Variants in PCDHGA3 observed in about 807,000 individuals in gnomAD.
The protein encoded by PCDHGA3 is protocadherin gamma-A3.
Under a neutral mutation model 58.5 loss-of-function variants are expected in PCDHGA3, and 40 were observed. The ratio of observed to expected loss-of-function variants is 0.68; its 90% CI spans 0.53 to 0.89. PCDHGA3 has a LOEUF of 0.89. PCDHGA3 is among the 40% of genes least tolerant of loss of function. The pLI is 0.00. For missense variants in PCDHGA3, 1,223 were observed against 1,195.9 expected (o/e 1.02, Z -0.33); for synonymous variants, 530 against 525.7 (o/e 1.01, Z -0.11).
chr5:141,351,430 A>T, intron 1 of PCDHGA3: 1 of 1,612,126 alleles, frequency 6.2e-7, no homozygotes, highest in East Asian at 2.2e-5. Context: ...CTTTCAAATT[A>T]GAATCCACCT....
intron 1 of PCDHGA3, among the ~76,000 whole-genome samples, chr5:141,434,530 A>G (rs1241680580): frequency 6.6e-6 from 1 of 152,226 alleles, no homozygotes; most frequent in African/African-American, 2.4e-5. Flanking sequence ...CTTAAACCAC[A>G]AACAATAGCA....
intron 1 of PCDHGA3, chr5:141,393,401 G>C: frequency 6.2e-7 from 1 of 1,614,036 alleles, no homozygotes; most frequent in South Asian, 1.1e-5. Context: ...AGCTGGTGCT[G>C]GAGCGCGCCC....
In PCDHGA3 at chr5:141,344,069, A is replaced by C; in HGVS notation, c.36A>C (p.Gly12=). The change falls in exon 1 of 4, where the codon GGA becomes GGC. Residue 12 remains glycine, a synonymous_variant. Coordinates refer to ENST00000253812, the MANE Select transcript of PCDHGA3 (RefSeq NM_018916.4). ...TNCLSFRNGR[G]LALLCALLGT... Reference sequence around the variant, plus strand: ...GCCTGAGTTTCCGAAATGGCAGAGGACTGGCCCTGCTGTGCGCGCTCCTGG... The same window carrying C: ...GCCTGAGTTTCCGAAATGGCAGAGGCCTGGCCCTGCTGTGCGCGCTCCTGG... The C allele has an allele frequency of 6.2e-7, 1 of 1,600,450 alleles. No homozygotes were observed. The highest frequency in any genetic ancestry group is 8.5e-7 in the Non-Finnish European group (1 of 1,172,424).
chr5:141,414,588 G>A, intron 1 of PCDHGA3: 1 of 1,613,872 alleles, frequency 6.2e-7, no homozygotes, highest in Non-Finnish European at 8.5e-7. Flanking sequence ...ACAACGCCAG[G>A]GGTGCCTCCA....
chr5:141,408,903 A>C, intron 1 of PCDHGA3: 1 of 1,613,512 alleles, frequency 6.2e-7, no homozygotes, highest in Non-Finnish European at 8.5e-7. Context: ...TCTGTCAAGG[A>C]TACCAATGAT....
At position 141,431,516 on chromosome 5, in the gene PCDHGA3, G is replaced by C. The variant is rs941913367; in HGVS notation, c.2425-63291G>C. 3.1e-6 allele frequency: 5 copies of C among 1,613,954 alleles called. No homozygotes were observed. In the African/African-American group the frequency reaches 6.7e-5, roughly 22 times the overall value. On this transcript the variant is annotated intron_variant, in intron 1 of 3. Coordinates refer to ENST00000253812, the MANE Select transcript of PCDHGA3 (RefSeq NM_018916.4). This position sits in a 1 kb window ranked among gnomAD's most constrained non-coding sequence, Gnocchi z 4.8. ...GCCCGAGTACCGCGCGAGCGTTCCG[G>C]AGAATCTGGCCTTGGGCACGCAGCT... is the stretch of plus-strand genomic sequence containing the variant.
In PCDHGA3 at chr5:141,394,617, G is replaced by A. The variant is rs369651266; in HGVS notation, c.2424+48160G>A. The A allele has an allele frequency of 1.7e-5, 28 of 1,613,372 alleles. No individual in the cohort carries two copies. The Admixed American group carries it at 2.8e-4, about 16-fold the overall frequency. On this transcript the variant is annotated intron_variant, in intron 1 of 3. Coordinates refer to ENST00000253812, the MANE Select transcript of PCDHGA3 (RefSeq NM_018916.4). ...GGTGGACAGAGACTCGGGCCAGAAC[G>A]CCTGGCTGTCCTACCGCCTGCTCAA... is the stretch of plus-strand genomic sequence containing the variant.
At chr5:141,509,669 G>GAGAA (rs2099877764) in intron 3 of PCDHGA3, among the ~76,000 whole-genome samples, 1 of 152,180 alleles carries the variant, frequency 6.6e-6, no homozygotes, top group African/African-American at 2.4e-5. Flanking sequence ...CTGGGCCCCA[G>GAGAA]TTTCTTCTTC....
chr5:141,465,171 G>T (rs969390966), intron 1 of PCDHGA3, among the ~76,000 whole-genome samples: 1 of 151,728 alleles, frequency 6.6e-6, no homozygotes, highest in Non-Finnish European at 1.5e-5. Flanking sequence ...TGTTTATGAA[G>T]AAATTTAATT....
At chr5:141,388,552 G>C in intron 1 of PCDHGA3, 1 of 1,613,814 alleles carries the variant, frequency 6.2e-7, no homozygotes, top group Non-Finnish European at 8.5e-7. Flanking sequence ...CCACCCCTAA[G>C]CAGCACTGCA....
Position 141,344,904 on chromosome 5 carries a change from A to AT in PCDHGA3, c.875dup (p.His293ProfsTer3). 1 of 1,613,906 alleles carries AT rather than the reference A, an allele frequency of 6.2e-7. No homozygotes were observed. Among genetic ancestry groups the AT allele is most frequent in the Non-Finnish European group, 8.5e-7 (1 of 1,179,866 alleles). On this transcript the variant is annotated frameshift_variant, in exon 1 of 4. Coordinates refer to ENST00000253812, the MANE Select transcript of PCDHGA3 (RefSeq NM_018916.4). LOFTEE classifies it high-confidence loss of function. Reference sequence around the variant, plus strand: ...TAAAATGCCTGGGAAAATCGCTGAGATTTTCCATCTTAACTCAGTGAGTGG... The same window carrying AT: ...TAAAATGCCTGGGAAAATCGCTGAGATTTTTCCATCTTAACTCAGTGAGTGG...
intron 1 of PCDHGA3, chr5:141,417,710 T>C: frequency 8.0e-7 from 1 of 1,249,348 alleles, no homozygotes; most frequent in Non-Finnish European, 1.1e-6. Context: ...ACACAGAGGC[T>C]CCCGGCTGCG....
At chr5:141,368,149 A>G (rs1022944602) in intron 1 of PCDHGA3, among the ~76,000 whole-genome samples, 6 of 152,184 alleles carry the variant, frequency 3.9e-5, no homozygotes, top group African/African-American at 1.4e-4. Context: ...TTGTACTTTT[A>G]AAACCTTGAG....
intron 1 of PCDHGA3, chr5:141,356,191 A>G: frequency 6.2e-7 from 1 of 1,610,554 alleles, no homozygotes; most frequent in Non-Finnish European, 8.5e-7. Context: ...CCGAGCTAGA[A>G]GCAAGGTACT....
intron 1 of PCDHGA3, chr5:141,416,674 G>T (rs547618174): frequency 6.6e-6 from 1 of 152,132 alleles, no homozygotes; most frequent in Non-Finnish European, 1.5e-5. Context: ...TATATGCAAC[G>T]AAGGGAAATT....
intron 1 of PCDHGA3, chr5:141,350,697 G>A (rs777060876): frequency 1.2e-6 from 2 of 1,613,814 alleles, no homozygotes; most frequent in African/African-American, 1.3e-5. Flanking sequence ...GCCTTACCCG[G>A]GGTAAAATTC....
At chr5:141,429,378 T>G (rs890583768) in intron 1 of PCDHGA3, among the ~76,000 whole-genome samples, 3 of 105,336 alleles carry the variant, frequency 2.8e-5, no homozygotes, top group African/African-American at 5.2e-5. Flanking sequence ...AGAAAATGTG[T>G]TTTTTTTTTA....
At chr5:141,498,248 G>A (rs1484987588) in intron 2 of PCDHGA3, among the ~76,000 whole-genome samples, 2 of 152,208 alleles carry the variant, frequency 1.3e-5, no homozygotes, top group Non-Finnish European at 2.9e-5. Flanking sequence ...CTTCAAAGCA[G>A]GGCTGGTGTT....
chr5:141,418,738 T>G lies in PCDHGA3; in HGVS notation c.2424+72281T>G, dbSNP rs781221446. 4.3e-6 allele frequency: 7 copies of G among 1,613,964 alleles called. No homozygotes were observed. In the South Asian group the frequency reaches 6.6e-5, roughly 15 times the overall value. On this transcript the variant is annotated intron_variant, in intron 1 of 3. Transcript: ENST00000253812. ...CTGACAAAGCTCAGCACGTGTTCTC[T>G]CTGGATTACACTACAGGAAACATTC...
Sources: allele counts gnomAD v4.1 joint callset (sites outside exome capture counted in the v4.1 genomes callset), GRCh38; gene constraint gnomAD v4.1.1; non-coding constraint Gnocchi (gnomAD v3.1); transcripts MANE v1.5; gene names NCBI Gene and HGNC (gene_info 2026-07-23, HGNC 2026-07-21).